STIL: variants seen among roughly 807,000 people sequenced by gnomAD.
STIL encodes the protein SCL-interrupting locus protein.
In STIL, 55 loss-of-function variants were observed where a neutral mutation model predicts 110.1. The ratio of observed to expected loss-of-function variants is 0.50; its 90% CI spans 0.40 to 0.63. STIL has a LOEUF of 0.63. STIL is among the 20% of genes least tolerant of loss of function. STIL has a pLI of 0.00. For synonymous variants in STIL, 481 were observed against 530.0 expected (o/e 0.91, Z 1.27); for missense variants, 1,358 against 1,530.0 (o/e 0.89, Z 1.87).
chr1:47,314,450 C>T (rs1041466176), upstream of STIL, among the ~76,000 whole-genome samples: 2 of 152,120 alleles, frequency 1.3e-5, no homozygotes, highest in African/African-American at 4.8e-5. Flanking sequence ...AATGGAAAGC[C>T]CAGCTAGGTA....
intron 12 of STIL, among the ~76,000 whole-genome samples, chr1:47,274,774 A>C (rs1271569672): frequency 6.6e-6 from 1 of 151,052 alleles, no homozygotes; most frequent in Non-Finnish European, 1.5e-5. Context: ...AATGGTAACT[A>C]GTGGTGGGGG....
rs375181849 is a variant in STIL, at chr1:47,250,350, G to A, written c.*786C>T. 4.6e-4 allele frequency: 74 copies of A among 160,572 alleles called. No individual in the cohort carries two copies. Among genetic ancestry groups the A allele is most frequent in the Middle Eastern group, 2.5e-3 (1 of 402 alleles). The allele number at this position is 160,572 out of a possible 1,614,324, so 9.9% of individuals were successfully genotyped here. On this transcript the variant is annotated 3_prime_UTR_variant, in exon 17 of 17. Coordinates refer to ENST00000371877, the MANE Select transcript of STIL (RefSeq NM_001048166.1). ...TTAATCAACATGCATCCTAATTAAG[G>A]GGAAATACACTCTTGTATAAAAGAG...
chr1:47,282,624 C>T, intron 10 of STIL, 165 bp from the exon 11 acceptor site: 1 of 593,782 alleles, frequency 1.7e-6, no homozygotes, highest in Admixed American at 2.7e-5. Context: ...TGTTAGTTGA[C>T]CAGGGAAGCT....
chr1:47,265,909 C>T (rs558444506), intron 14 of STIL, among the ~76,000 whole-genome samples: 1 of 152,184 alleles, frequency 6.6e-6, no homozygotes, highest in East Asian at 1.9e-4. Flanking sequence ...ACCTTAGCCT[C>T]CCGAACAGCT....
intron 2 of STIL, among the ~76,000 whole-genome samples, chr1:47,306,043 T>C (rs1027324886): frequency 4.6e-5 from 7 of 152,146 alleles, no homozygotes; most frequent in African/African-American, 1.4e-4. Context: ...AAAAATATTT[T>C]TTAAAAAAGA....
chr1:47,285,222 G>C (rs1645263666), intron 10 of STIL, among the ~76,000 whole-genome samples: 1 of 151,996 alleles, frequency 6.6e-6, no homozygotes, highest in African/African-American at 2.4e-5. Context: ...TGTAGAGGCA[G>C]GGTTTCGCCA....
chr1:47,270,251 T>TACACACACACACAC (rs1223004051), intron 13 of STIL, among the ~76,000 whole-genome samples: 13 of 119,192 alleles, frequency 1.1e-4, no homozygotes, highest in Admixed American at 1.9e-4. Flanking sequence ...AATATATATA[T>TACACACACACACAC]ATATACACAC....
In STIL at chr1:47,293,630, G is replaced by T; in HGVS notation, c.786-86C>A. The T allele has an allele frequency of 2.7e-6, 3 of 1,122,426 alleles. No homozygotes were observed. The Admixed American group carries it at 5.6e-5, about 21-fold the overall frequency. 69.5% of individuals were successfully genotyped at this position (1,122,426 alleles called of 1,614,324 possible). A position where few individuals can be genotyped will look rare whatever the true frequency, so the allele number is the denominator to read the frequency against. On this transcript the variant is annotated intron_variant, in intron 7 of 16. Transcript: ENST00000371877. ...TTCTTCCTAAGATAACAAAGTAGAC[G>T]TATGGCTTTTATCAGCCATACATTA...
At chr1:47,281,309 A>G in intron 11 of STIL, 100 bp from the exon 12 acceptor site, 2 of 1,207,810 alleles carry the variant, frequency 1.7e-6, no homozygotes, top group South Asian at 1.6e-5. Context: ...ATCTAATTAC[A>G]TATTAACAAG....
rs535380344 is a variant in STIL, at chr1:47,251,864, C to A, written c.3139G>T (p.Ala1047Ser). The A allele has an allele frequency of 7.5e-6, 12 of 1,608,158 alleles. No individual in the cohort carries two copies. In the East Asian group the frequency reaches 2.7e-4, roughly 36 times the overall value. Residue 1047 changes from alanine to serine, a missense_variant, in exon 17 of 17, where the codon GCT becomes TCT. By Grantham distance (99) the Ala-to-Ser change is moderately conservative. Transcript: ENST00000371877. Reference sequence around the variant, plus strand: ...CTTAAGCCGCTCATGCCAACATTAGCAAATGACATGCAGTTTAATCCAGAG... The same window carrying A: ...CTTAAGCCGCTCATGCCAACATTAGAAAATGACATGCAGTTTAATCCAGAG... Reference protein sequence around the residue: ...VISGLNCMSFANVGMSGLSPN... With the variant: ...VISGLNCMSFSNVGMSGLSPN...
intron 15 of STIL, among the ~76,000 whole-genome samples, chr1:47,262,339 C>T (rs1177444887): frequency 2.0e-5 from 3 of 152,182 alleles, no homozygotes; most frequent in African/African-American, 7.2e-5. Flanking sequence ...ACTAGTTCCT[C>T]CAACCAGAAT....
At chr1:47,308,226 G>C (rs1392521145) in intron 2 of STIL, among the ~76,000 whole-genome samples, 1 of 151,588 alleles carries the variant, frequency 6.6e-6, no homozygotes. Context: ...TTTGTGGCTT[G>C]TGGGGCATCA....
At position 47,269,630 on chromosome 1, in the gene STIL, C is replaced by T; in HGVS notation, c.2615+5G>A. On this transcript the variant is annotated splice_donor_5th_base_variant and intron_variant, in intron 14 of 16. Transcript: ENST00000371877. ...GGATGAAAGACTAAATCAAAGAGAC[C>T]TTACTTGGATACAGAAAGTGGCTGG... is the stretch of plus-strand genomic sequence containing the variant. The T allele has an allele frequency of 3.1e-6, 5 of 1,613,402 alleles. No homozygotes were observed. Among genetic ancestry groups the T allele is most frequent in the Non-Finnish European group, 3.4e-6 (4 of 1,179,486 alleles).
chr1:47,260,184 A>G (rs1644442273), intron 16 of STIL, 105 bp downstream of exon 16: 1 of 1,196,872 alleles, frequency 8.4e-7, no homozygotes, highest in Admixed American at 2.5e-5. Context: ...AGATTGCCAC[A>G]ATACATCTAA....
chr1:47,301,515 T>C (rs1645803555), intron 5 of STIL, 46 bp downstream of exon 5: 1 of 1,533,454 alleles, frequency 6.5e-7, no homozygotes, highest in Non-Finnish European at 9.0e-7. Context: ...TAAACATAGT[T>C]TGATTCTTGT....
intron 12 of STIL, among the ~76,000 whole-genome samples, chr1:47,274,932 A>G (rs1570121528): frequency 6.6e-6 from 1 of 151,928 alleles, no homozygotes; most frequent in Non-Finnish European, 1.5e-5. Context: ...CAGGTGGATC[A>G]CCTGAGGTCA....
intron 8 of STIL, among the ~76,000 whole-genome samples, chr1:47,292,117 C>T (rs1414978089): frequency 6.6e-6 from 1 of 151,758 alleles, no homozygotes; most frequent in South Asian, 2.1e-4. Context: ...CTGCCTCAGC[C>T]TCCCAAAGTC....
At chr1:47,258,991 G>GTTTTTTTTTTT (rs1557704421) in intron 16 of STIL, among the ~76,000 whole-genome samples, 4 of 36,228 alleles carry the variant, frequency 1.1e-4, no homozygotes, top group Admixed American at 3.6e-4. Context: ...AAGTAACTTT[G>GTTTTTTTTTTT]CTTTTTTTTT....
intron 15 of STIL, among the ~76,000 whole-genome samples, chr1:47,261,248 T>C (rs1239901009): frequency 6.6e-6 from 1 of 150,620 alleles, no homozygotes; most frequent in Non-Finnish European, 1.5e-5. Flanking sequence ...ATTAGCCGGG[T>C]GTGGTGGCAC....
Sources: allele counts gnomAD v4.1 joint callset (sites outside exome capture counted in the v4.1 genomes callset), GRCh38; gene constraint gnomAD v4.1.1; transcripts MANE v1.5; gene names NCBI Gene and HGNC (gene_info 2026-07-23, HGNC 2026-07-21).